Variants in RIMBP2 observed in about 807,000 individuals in gnomAD.
RIMBP2 encodes the protein RIMS binding protein 2.
RIMBP2 carries 48 observed loss-of-function variants against 118.6 expected under a neutral mutation model. The ratio of observed to expected loss-of-function variants is 0.40; its 90% CI spans 0.32 to 0.51. RIMBP2 has a LOEUF of 0.51. Among genes scored for constraint, RIMBP2 ranks in the 20% least tolerant of loss-of-function variants. The probability of loss-of-function intolerance (pLI) is 0.41; values close to 1 mark genes in which losing one functional copy is unlikely to be tolerated. For synonymous variants in RIMBP2, 762 were observed against 742.9 expected, an observed-to-expected ratio of 1.03 and a Z score of -0.42; for missense variants, 1,551 against 1,768.3, an observed-to-expected ratio of 0.88 and a Z score of 2.20.
intron 6 of RIMBP2, among the ~76,000 whole-genome samples, chr12:130,463,066 C>T (rs977090741): frequency 1.3e-5 from 2 of 152,248 alleles, no homozygotes; most frequent in African/African-American, 4.8e-5. Flanking sequence ...AGGGGGGTCC[C>T]TGCTGGGGCT....
rs1261036430 is a variant in RIMBP2 at position 130,436,988 on chromosome 12, G to A, written c.1960C>T (p.His654Tyr). ...QSRAPGPVHG[H>Y]MLEPPVGPGR... The stretch of plus-strand genomic sequence containing the variant: ...GGGCCCACGGGCGGCTCCAGCATGT[G>A]CCCATGCACAGGGCCAGGTGCACGG... Residue 654 changes from histidine (H) to tyrosine (Y), a missense_variant, in exon 13 of 23, where the codon CAC (histidine) becomes TAC (tyrosine). Physicochemically the swap from His to Tyr is moderately conservative, Grantham distance 83. Around this residue, in one of 5 missense-constraint regions of RIMBP2, gnomAD observed 1,038 missense variants for 1,125.1 expected, o/e 0.92. Coordinates refer to ENST00000690449, the MANE Select transcript of RIMBP2 (RefSeq NM_001393629.1). 6.2e-7 allele frequency: 1 copy of A among 1,608,940 alleles called. No homozygotes were observed. Among genetic ancestry groups the A allele is most frequent in the South Asian group, 1.1e-5 (1 of 90,256 alleles).
intron 6 of RIMBP2, among the ~76,000 whole-genome samples, chr12:130,459,060 CA>C (rs60045172): frequency 0.93 from 130,877 of 140,614 alleles, 61,443 homozygotes; most frequent in South Asian, 0.98. Context: ...AAAAAAAAAA[CA>C]AAAAAAAAGT....
intron 2 of RIMBP2, among the ~76,000 whole-genome samples, chr12:130,558,495 C>T (rs1326451626): frequency 6.6e-6 from 1 of 152,160 alleles, no homozygotes; most frequent in Non-Finnish European, 1.5e-5. Flanking sequence ...CTGCTGGCTA[C>T]TTCCACTCAA....
intron 17 of RIMBP2, among the ~76,000 whole-genome samples, chr12:130,417,007 T>C (rs2136573472): frequency 6.6e-6 from 1 of 152,194 alleles, no homozygotes; most frequent in Non-Finnish European, 1.5e-5. Context: ...ACATCACTAA[T>C]CATTAGAGAA....
At chr12:130,627,368 C>T (rs1010034082) in intron 2 of RIMBP2, among the ~76,000 whole-genome samples, 2 of 152,248 alleles carry the variant, frequency 1.3e-5, no homozygotes, top group Admixed American at 6.5e-5. Context: ...ATTCTTACTA[C>T]CCAAGATTGT....
In RIMBP2 at chr12:130,623,020, T is replaced by C. The variant is rs1256984000; in HGVS notation, c.-217+5302A>G. 1.3e-5 allele frequency among the ~76,000 whole-genome samples: 2 copies of C among 152,202 alleles called. No individual in the cohort carries two copies. On this transcript the variant is annotated intron_variant, in intron 2 of 22. Transcript: ENST00000690449. The surrounding 1 kb of genome is among the most constrained non-coding windows in gnomAD (Gnocchi z 4.1). ...CTGTTGGGGCCATTTCCTTCTAGTA[T>C]CAATGGTTTCTTATCTCAACAAATA...
At chr12:130,650,249 G>T (rs1027153033) in intron 1 of RIMBP2, among the ~76,000 whole-genome samples, 1 of 151,980 alleles carries the variant, frequency 6.6e-6, no homozygotes, top group African/African-American at 2.4e-5. Flanking sequence ...GTGCTGACTC[G>T]TGCCCACCTT....
At position 130,424,277 on chromosome 12, in the gene RIMBP2, G is replaced by T; in HGVS notation, c.2994C>A (p.Pro998=). Residue 998 remains proline (P), a synonymous_variant, in exon 16 of 23, where the codon CCC becomes CCA. Coordinates refer to ENST00000690449, the MANE Select transcript of RIMBP2 (RefSeq NM_001393629.1). The surrounding 1 kb of genome is among the most constrained non-coding windows in gnomAD (Gnocchi z 9.8). The stretch of plus-strand genomic sequence containing the variant: ...TGGGCTCGCCCCAGCCGTGCTTCCT[G>T]GGGGGCGGCCTCTCCGGGCCGGGCT... ...DPQPGPERPP[P]RKHGWGEPTE... The T allele has an allele frequency of 8.1e-7, 1 of 1,231,816 alleles. No individual in the cohort carries two copies. The highest frequency in any genetic ancestry group is 1.0e-6 in the Non-Finnish European group (1 of 987,858). 76.3% of individuals were successfully genotyped at this position (1,231,816 alleles called of 1,614,324 possible).
intron 1 of RIMBP2, among the ~76,000 whole-genome samples, chr12:130,637,667 G>A (rs1566413372): frequency 6.6e-6 from 1 of 152,192 alleles, no homozygotes; most frequent in Non-Finnish European, 1.5e-5. Context: ...GTGGGACTTG[G>A]TTAGAACCAA....
chr12:130,609,205 C>G (rs181366078), intron 2 of RIMBP2, among the ~76,000 whole-genome samples: 10 of 152,084 alleles, frequency 6.6e-5, no homozygotes. Context: ...TGTCTGCACC[C>G]CCACGTATGA....
chr12:130,458,565 C>G (rs1418267922), intron 6 of RIMBP2, among the ~76,000 whole-genome samples: 1 of 152,206 alleles, frequency 6.6e-6, no homozygotes, highest in African/African-American at 2.4e-5. Context: ...CAAGGCCGGA[C>G]CCCGGAAGGC....
chr12:130,547,712 T>G (rs1224637824), intron 2 of RIMBP2, among the ~76,000 whole-genome samples: 6 of 152,228 alleles, frequency 3.9e-5, no homozygotes, highest in Non-Finnish European at 8.8e-5. Flanking sequence ...GATTCCCAAC[T>G]GGTTCTTCAG....
intron 2 of RIMBP2, among the ~76,000 whole-genome samples, chr12:130,539,440 C>A (rs1168997522): frequency 6.6e-6 from 1 of 152,200 alleles, no homozygotes; most frequent in Non-Finnish European, 1.5e-5. Flanking sequence ...GTGCTGTGGG[C>A]ACCTCGAGGG....
chr12:130,602,474 A>G (rs984742358), intron 2 of RIMBP2, among the ~76,000 whole-genome samples: 1 of 152,196 alleles, frequency 6.6e-6, no homozygotes. Flanking sequence ...TTGCAAGGAC[A>G]GTTTGGATGA....
At chr12:130,712,583 G>A (rs993665207) in intron 1 of RIMBP2, among the ~76,000 whole-genome samples, 6 of 152,252 alleles carry the variant, frequency 3.9e-5, no homozygotes, top group Non-Finnish European at 7.4e-5. Context: ...GCCTGCTGTC[G>A]GATCCCTCCT....
At chr12:130,531,931 A>G (rs1472701019) in intron 2 of RIMBP2, among the ~76,000 whole-genome samples, 77 of 110,148 alleles carry the variant, frequency 7.0e-4, no homozygotes, top group South Asian at 9.5e-4. Flanking sequence ...TGAGATGCGT[A>G]TGTTTAGCCT....
chr12:130,697,395 C>A (rs560102449), intron 1 of RIMBP2, among the ~76,000 whole-genome samples: 27 of 152,118 alleles, frequency 1.8e-4, no homozygotes, highest in African/African-American at 6.0e-4. Context: ...TGGTGGTGGA[C>A]GCCTGTGGTC....
chr12:130,524,977 T>A (rs2052617409), intron 2 of RIMBP2, among the ~76,000 whole-genome samples: 1 of 152,064 alleles, frequency 6.6e-6, no homozygotes, highest in South Asian at 2.1e-4. Flanking sequence ...TGAGGCCCGG[T>A]GGGAATGCTC....
chr12:130,540,593 C>A (rs115426489), intron 2 of RIMBP2, among the ~76,000 whole-genome samples: 1 of 152,142 alleles, frequency 6.6e-6, no homozygotes, highest in Non-Finnish European at 1.5e-5. Flanking sequence ...CCAGAACCTT[C>A]GCCCGTCATG....
Sources: allele counts gnomAD v4.1 joint callset (sites outside exome capture counted in the v4.1 genomes callset), GRCh38; gene constraint gnomAD v4.1.1; regional missense constraint gnomAD v4.1.1; non-coding constraint Gnocchi (gnomAD v3.1); transcripts MANE v1.5; gene names NCBI Gene and HGNC (gene_info 2026-07-23, HGNC 2026-07-21).